DAPK2: variants seen among roughly 807,000 people sequenced by gnomAD.
DAPK2 encodes the protein death-associated protein kinase 2.
Under a neutral mutation model 44.1 loss-of-function variants are expected in DAPK2, and 35 were observed. The ratio of observed to expected loss-of-function variants is 0.79; its 90% confidence interval spans 0.61 to 1.05. The LOEUF is 1.05. DAPK2 is among the 50% of genes least tolerant of loss of function. The probability of loss-of-function intolerance (pLI) is 0.00; values close to 1 mark genes in which losing one functional copy is unlikely to be tolerated. For synonymous variants in DAPK2, 174 were observed against 182.6 expected (o/e 0.95, Z 0.38); for missense variants, 453 against 483.2 (o/e 0.94, Z 0.59).
chr15:63,922,630 G>C, intron 8 of DAPK2: 1 of 1,435,256 alleles, frequency 7.0e-7, no homozygotes, highest in Non-Finnish European at 9.1e-7. Context: ...CTATACTACA[G>C]ACACACACCC....
intron 1 of DAPK2, among the ~76,000 whole-genome samples, chr15:64,016,458 T>TG (rs1156621221): frequency 1.3e-5 from 2 of 152,110 alleles, no homozygotes; most frequent in African/African-American, 4.8e-5. Flanking sequence ...ATCTGTAAAG[T>TG]GGGGTAAATA....
Position 63,934,284 on chromosome 15 carries a change from G to C in DAPK2, c.584-3829C>G, listed in dbSNP as rs1352752000. Among the ~76,000 whole-genome samples, 4 of 99,632 alleles carry C rather than the reference G, an allele frequency of 4.0e-5. No homozygotes were observed. The East Asian group carries it at 1.2e-3, about 29-fold the overall frequency. 65.4% of individuals were successfully genotyped at this position (99,632 alleles called of 152,430 possible). A position where few individuals can be genotyped will look rare whatever the true frequency, so the allele number is the denominator to read the frequency against. ...TTTTTTTTTTTTTTTTTGAGACTGA[G>C]TCTTGCTCGTCACCCAGGCTGGAGT... is the stretch of plus-strand genomic sequence containing the variant. On this transcript the variant is annotated intron_variant, in intron 4 of 10. Coordinates refer to ENST00000261891, the Ensembl canonical transcript of DAPK2.
chr15:63,931,626 C>A (rs1284785464), intron 4 of DAPK2, among the ~76,000 whole-genome samples: 2 of 152,140 alleles, frequency 1.3e-5, no homozygotes, highest in Admixed American at 1.3e-4. Context: ...GCCTGAGGGG[C>A]AGCCAGGGGA....
At chr15:63,972,522 G>C (rs541565349) in intron 2 of DAPK2, among the ~76,000 whole-genome samples, 2 of 152,210 alleles carry the variant, frequency 1.3e-5, no homozygotes, top group African/African-American at 2.4e-5. Flanking sequence ...AGATGGATAT[G>C]AGGAACATGT....
chr15:63,923,441 G>T lies in DAPK2; in HGVS notation c.858+1375C>A. 6.8e-7 allele frequency: 1 copy of T among 1,468,986 alleles called. No individual in the cohort carries two copies. The highest frequency in any genetic ancestry group is 9.0e-7 in the Non-Finnish European group (1 of 1,113,654). 91.0% of individuals were successfully genotyped at this position (1,468,986 alleles called of 1,614,324 possible). A position where few individuals can be genotyped will look rare whatever the true frequency, so the allele number is the denominator to read the frequency against. On this transcript the variant is annotated intron_variant, in intron 8 of 10. Coordinates refer to ENST00000261891, the Ensembl canonical transcript of DAPK2. This position sits in a 1 kb window ranked among gnomAD's most constrained non-coding sequence, Gnocchi z 4.2. ...GCAGAAGGCACACAAGCGGCCTCTG[G>T]CATTCACTGCATGCGTCAGGCCATG...
At chr15:64,026,334 T>C (rs2079846349) in intron 1 of DAPK2, among the ~76,000 whole-genome samples, 1 of 152,040 alleles carries the variant, frequency 6.6e-6, no homozygotes. Flanking sequence ...ACATCTGCCT[T>C]CCGGGCTCAA....
intron 8 of DAPK2, chr15:63,922,782 G>A (rs1255155788): frequency 6.5e-7 from 1 of 1,534,996 alleles, no homozygotes; most frequent in South Asian, 1.2e-5. Context: ...GATCTGCTGA[G>A]CAGCTCTGAC....
At chr15:64,028,196 C>A (rs2079909686) in intron 1 of DAPK2, among the ~76,000 whole-genome samples, 2 of 152,138 alleles carry the variant, frequency 1.3e-5, no homozygotes, top group South Asian at 4.1e-4. Context: ...GTTGCTGGGA[C>A]TACAGGTGTG....
upstream of DAPK2, chr15:64,046,380 G>GGA (rs1354455115): frequency 1.4e-3 from 551 of 385,428 alleles, 9 homozygotes; most frequent in African/African-American, 5.8e-3. The surrounding 1 kb of genome is among the most constrained non-coding windows in gnomAD (Gnocchi z 5.3). Context: ...GGGCGCGGCG[G>GGA]GCGCGGCGGG....
At chr15:63,907,478 G>A (rs902653871) in exon 11 of DAPK2, 1 of 151,900 alleles carries the variant, frequency 6.6e-6, no homozygotes, top group African/African-American at 2.4e-5. Context: ...GGAGTGCAGT[G>A]GCGTGATCTC....
chr15:63,983,712 C>G lies in DAPK2; in HGVS notation c.135G>C (p.Thr45=), dbSNP rs763585853. The stretch of plus-strand genomic sequence containing the variant: ...TGAACTTGGCTGCATACTCAAGCCC[C>G]GTGCTCTTCTCCCGGCACTTCTTCA... Residue 45 remains threonine, a synonymous_variant, in exon 2 of 11, where the codon ACG becomes ACC. Coordinates refer to ENST00000261891, the Ensembl canonical transcript of DAPK2. 3.7e-6 allele frequency: 6 copies of G among 1,613,282 alleles called. No individual in the cohort carries two copies. In the South Asian group the frequency reaches 6.6e-5, roughly 18 times the overall value.
At chr15:64,036,015 A>G (rs1284030913) in intron 1 of DAPK2, among the ~76,000 whole-genome samples, 1 of 152,008 alleles carries the variant, frequency 6.6e-6, no homozygotes, top group Non-Finnish European at 1.5e-5. Flanking sequence ...GTAGAGTTAA[A>G]GGTTATTTAT....
chr15:64,012,108 T>A (rs1423311115), intron 1 of DAPK2, among the ~76,000 whole-genome samples: 4 of 152,168 alleles, frequency 2.6e-5, no homozygotes, highest in Admixed American at 2.0e-4. Flanking sequence ...CCATAAGGAA[T>A]CTTAAAAGTC....
At chr15:63,937,031 A>G (rs1023984726) in intron 4 of DAPK2, among the ~76,000 whole-genome samples, 7 of 151,788 alleles carry the variant, frequency 4.6e-5, no homozygotes, top group African/African-American at 1.7e-4. Flanking sequence ...GCTTTTCAGA[A>G]CACCTAATCC....
Position 63,939,663 on chromosome 15 carries a change from T to C in DAPK2, c.454-302A>G, listed in dbSNP as rs965859629. 6.6e-6 allele frequency among the ~76,000 whole-genome samples: 1 copy of C among 152,222 alleles called. No homozygotes were observed. Among genetic ancestry groups the C allele is most frequent in the Admixed American group, 6.5e-5 (1 of 15,288 alleles). The stretch of plus-strand genomic sequence containing the variant: ...GTCTCTGAGTGGCAGATCCCTTTAA[T>C]GCAGTGCCTCTGTTTTCCTATCTGT... On this transcript the variant is annotated intron_variant, in intron 3 of 10. Transcript: ENST00000261891. The surrounding 1 kb of genome is among the most constrained non-coding windows in gnomAD (Gnocchi z 4.3).
At chr15:63,987,968 C>T (rs1406639307) in intron 1 of DAPK2, among the ~76,000 whole-genome samples, 2 of 152,180 alleles carry the variant, frequency 1.3e-5, no homozygotes, top group African/African-American at 4.8e-5. Context: ...TACCATCCAG[C>T]CTTGCAGAAG....
intron 3 of DAPK2, among the ~76,000 whole-genome samples, chr15:63,951,565 G>C (rs1002863165): frequency 4.6e-5 from 7 of 152,124 alleles, no homozygotes; most frequent in Non-Finnish European, 1.0e-4. Flanking sequence ...CCTTGGCAGC[G>C]AGCATTTGTT....
chr15:63,931,437 C>A (rs1331225876), intron 4 of DAPK2, among the ~76,000 whole-genome samples: 1 of 152,136 alleles, frequency 6.6e-6, no homozygotes, highest in African/African-American at 2.4e-5. Flanking sequence ...AATGGGGCCT[C>A]GGCTATGTGG....
At chr15:63,936,331 G>A (rs978417443) in intron 4 of DAPK2, among the ~76,000 whole-genome samples, 10 of 152,106 alleles carry the variant, frequency 6.6e-5, no homozygotes, top group African/African-American at 1.7e-4. Context: ...GGCCAGGAGC[G>A]GTGGCTCGCT....
Sources: gnomAD v4.1 joint callset for allele counts (sites outside exome capture counted in the v4.1 genomes callset) on GRCh38, gnomAD v4.1.1 for gene constraint, Gnocchi (gnomAD v3.1) non-coding constraint, MANE v1.5 for transcripts, NCBI Gene and HGNC (gene_info 2026-07-23, HGNC 2026-07-21) for gene names.